Variants in MAPK10 observed in about 807,000 individuals in gnomAD.
The protein encoded by MAPK10 is JNK3 alpha protein kinase.
MAPK10 carries 25 observed loss-of-function variants against 59.3 expected under a neutral mutation model. That is an observed-to-expected ratio of 0.42 (90% CI 0.31 to 0.59). MAPK10 has a LOEUF of 0.59. MAPK10 is among the 20% of genes least tolerant of loss of function. MAPK10 has a pLI of 0.15. For missense variants in MAPK10, 351 were observed against 568.9 expected (o/e 0.62, Z 3.90); for synonymous variants, 190 against 200.5 (o/e 0.95, Z 0.44).
chr4:86,357,825 T>A (rs1735303210), intron 1 of MAPK10: 1 of 152,560 alleles, frequency 6.6e-6, no homozygotes, highest in Admixed American at 6.6e-5. Context: ...AGAATCGTTT[T>A]ACTGAAACTG....
At chr4:86,431,305 T>C (rs566598664) in intron 1 of MAPK10, among the ~76,000 whole-genome samples, 5 of 152,262 alleles carry the variant, frequency 3.3e-5, no homozygotes, top group Admixed American at 1.3e-4. Context: ...AAAAAGGATA[T>C]ATAAACGTTA....
intron 12 of MAPK10, among the ~76,000 whole-genome samples, chr4:86,030,316 T>C (rs2038723629): frequency 6.6e-6 from 1 of 152,058 alleles, no homozygotes; most frequent in African/African-American, 2.4e-5. Flanking sequence ...AATTTTTTTA[T>C]TTTATTTTTT....
chr4:86,496,392 T>C (rs1270665884), intron 1 of MAPK10, among the ~76,000 whole-genome samples: 3 of 152,222 alleles, frequency 2.0e-5, no homozygotes, highest in Non-Finnish European at 2.9e-5. Flanking sequence ...TCAAACATAG[T>C]TCTTATTCAA....
intron 1 of MAPK10, among the ~76,000 whole-genome samples, chr4:86,447,450 C>T (rs1008822789): frequency 6.6e-6 from 1 of 152,152 alleles, no homozygotes; most frequent in Non-Finnish European, 1.5e-5. Context: ...TGGACTAATA[C>T]ACATACTGTA....
chr4:86,286,793 T>A (rs983109273), intron 2 of MAPK10, among the ~76,000 whole-genome samples: 1 of 152,094 alleles, frequency 6.6e-6, no homozygotes, highest in African/African-American at 2.4e-5. Context: ...AACACATCCA[T>A]CTCCCCACCT....
intron 11 of MAPK10, among the ~76,000 whole-genome samples, chr4:86,033,309 C>T (rs1017503762): frequency 4.6e-5 from 7 of 152,202 alleles, no homozygotes; most frequent in Non-Finnish European, 1.0e-4. Flanking sequence ...GCTATCCAAG[C>T]GACCTTGTCC....
chr4:86,272,251 G>A (rs1452397059), intron 2 of MAPK10, among the ~76,000 whole-genome samples: 1 of 151,950 alleles, frequency 6.6e-6, no homozygotes, highest in African/African-American at 2.4e-5. Flanking sequence ...ATTCTGTATT[G>A]TGTGTACCTT....
intron 1 of MAPK10, among the ~76,000 whole-genome samples, chr4:86,475,489 C>A (rs1392053457): frequency 1.3e-5 from 2 of 152,158 alleles, no homozygotes; most frequent in Admixed American, 6.5e-5. Flanking sequence ...ATTTCAGTTC[C>A]TTTCCTTTCC....
Position 86,047,710 on chromosome 4 carries a change from G to C in MAPK10, c.1111-16279C>G, listed in dbSNP as rs138755448. Among the ~76,000 whole-genome samples the C allele has an allele frequency of 2.4e-3, 366 of 152,284 alleles. 3 individuals are homozygous for C. Among genetic ancestry groups the C allele is most frequent in the Non-Finnish European group, 4.0e-3 (272 of 68,004 alleles). Reference sequence around the variant, plus strand: ...CAATGTAAAACACCCTTCTTACTATGGGTTATGATAAAATTTGAAACAACA... The same window carrying C: ...CAATGTAAAACACCCTTCTTACTATCGGTTATGATAAAATTTGAAACAACA... On this transcript the variant is annotated intron_variant, in intron 11 of 13. Transcript: ENST00000641462.
upstream of MAPK10, among the ~76,000 whole-genome samples, chr4:86,362,890 T>C (rs1193402223): frequency 6.6e-6 from 1 of 152,168 alleles, no homozygotes; most frequent in Non-Finnish European, 1.5e-5. Flanking sequence ...TGGTAGTTTT[T>C]ATAATTATAA....
exon 1 of MAPK10, chr4:86,453,175 G>A (rs973255095): frequency 2.6e-5 from 4 of 152,328 alleles, no homozygotes; most frequent in African/African-American, 9.7e-5. Context: ...TGGAGGCACT[G>A]GGAAAGCTGC....
intron 11 of MAPK10, among the ~76,000 whole-genome samples, chr4:86,048,314 T>C (rs2148954465): frequency 6.6e-6 from 1 of 152,196 alleles, no homozygotes; most frequent in South Asian, 2.1e-4. Context: ...CACAATATGA[T>C]AATGGCATAT....
At chr4:86,484,016 A>G (rs769279006) in intron 1 of MAPK10, among the ~76,000 whole-genome samples, 2 of 152,126 alleles carry the variant, frequency 1.3e-5, no homozygotes, top group Non-Finnish European at 2.9e-5. Context: ...TTTATGGGAG[A>G]GCAATGCACT....
intron 3 of MAPK10, among the ~76,000 whole-genome samples, chr4:86,172,564 C>T (rs538418319): frequency 1.2e-4 from 16 of 136,698 alleles, no homozygotes; most frequent in South Asian, 2.5e-4. Context: ...TCACACTCTG[C>T]GGACTGTTGT....
chr4:86,457,070 C>G (rs1751300651), upstream of MAPK10, among the ~76,000 whole-genome samples: 1 of 152,174 alleles, frequency 6.6e-6, no homozygotes, highest in South Asian at 2.1e-4. Context: ...AAAATCATCT[C>G]AATAGATGCA....
chr4:86,509,038 CT>C (rs1012549241), intron 1 of MAPK10, among the ~76,000 whole-genome samples: 7 of 151,302 alleles, frequency 4.6e-5, no homozygotes, highest in African/African-American at 1.7e-4. Flanking sequence ...TTTTAGTTAT[CT>C]TTTTTTTTCT....
At chr4:86,590,617 T>A (rs1011490527) in intron 1 of MAPK10, among the ~76,000 whole-genome samples, 1 of 152,026 alleles carries the variant, frequency 6.6e-6, no homozygotes, top group Non-Finnish European at 1.5e-5. Context: ...GACCCCTCTC[T>A]ACAAAACTTT....
chr4:86,115,845 T>C (rs2058221309), intron 4 of MAPK10, among the ~76,000 whole-genome samples: 1 of 152,210 alleles, frequency 6.6e-6, no homozygotes, highest in Non-Finnish European at 1.5e-5. Context: ...TAATTTAAAA[T>C]ACTGTCTCTT....
intron 2 of MAPK10, among the ~76,000 whole-genome samples, chr4:86,243,578 C>T (rs1289714422): frequency 6.6e-6 from 1 of 152,134 alleles, no homozygotes. Context: ...AAAGCATGCT[C>T]CCACTTCTGG....
Sources: allele counts gnomAD v4.1 joint callset (sites outside exome capture counted in the v4.1 genomes callset), GRCh38; gene constraint gnomAD v4.1.1; transcripts MANE v1.5; gene names NCBI Gene and HGNC (gene_info 2026-07-23, HGNC 2026-07-21).